The following KASH5 variants were observed in gnomAD, a reference collection of about 807,000 sequenced individuals.
KASH5 encodes protein KASH5.
Under a neutral mutation model 84.2 loss-of-function variants are expected in KASH5, and 72 were observed. That is an observed-to-expected ratio of 0.85 (90% CI 0.71 to 1.04). The LOEUF is 1.04. Ranked by LOEUF, KASH5 falls within the 50% of genes least tolerant of loss-of-function variation. The pLI is 0.00. For missense variants in KASH5, 650 were observed against 701.0 expected (o/e 0.93, Z 0.82); for synonymous variants, 260 against 279.1 (o/e 0.93, Z 0.68).
At chr19:49,407,179 A>G in intron 10 of KASH5, 61 bp from the exon 11 acceptor site, 1 of 1,575,130 alleles carries the variant, frequency 6.3e-7, no homozygotes. Flanking sequence ...GGCCAGGTGG[A>G]GGGCAGGACC....
In KASH5 at chr19:49,395,429, A is replaced by G; in HGVS notation, c.335+137A>G. The G allele has an allele frequency of 1.0e-6, 1 of 956,346 alleles. No homozygotes were observed. Among genetic ancestry groups the G allele is most frequent in the Non-Finnish European group, 1.6e-6 (1 of 636,290 alleles). 59.2% of individuals were successfully genotyped at this position (956,346 alleles called of 1,614,324 possible). On this transcript the variant is annotated intron_variant, in intron 4 of 19. Transcript: ENST00000447857. This position sits in a 1 kb window ranked among gnomAD's most constrained non-coding sequence, Gnocchi z 4.4. ...TGAGGCTGTGGAGAGAAAAATGAAGAGACGGGATTCAGAGGGGGTAGATAG... is the reference window on the plus strand; with the variant it reads ...TGAGGCTGTGGAGAGAAAAATGAAGGGACGGGATTCAGAGGGGGTAGATAG...
intron 1 of KASH5, among the ~76,000 whole-genome samples, 165 bp from the exon 2 acceptor site, chr19:49,390,624 C>T (rs1973970984): frequency 6.6e-6 from 1 of 152,176 alleles, no homozygotes. Context: ...TTCTCCAGCC[C>T]ACACCTCCAA....
At chr19:49,413,056 G>T in intron 16 of KASH5, 30 bp downstream of exon 16, 1 of 1,605,756 alleles carries the variant, frequency 6.2e-7, no homozygotes, top group South Asian at 1.1e-5. Context: ...GTCTGCCTCA[G>T]GGTGACACCT....
Position 49,395,120 on chromosome 19 carries a change from GCC to G in KASH5, c.165_166del (p.Gln56GlyfsTer33). 6 of 1,608,032 alleles carry G rather than the reference GCC, an allele frequency of 3.7e-6. No individual in the cohort carries two copies. Among genetic ancestry groups the G allele is most frequent in the Non-Finnish European group, 5.1e-6 (6 of 1,178,498 alleles). The stretch of plus-strand genomic sequence containing the variant: ...CTCTGTCACAGGCACTGTGGCTGTG[GCC>G]CAGGTGCTGGCCTACCTGGAGGCTG... ...DPQRTGTVAV[A>X]QVLAYLEAVT... On this transcript the variant is annotated frameshift_variant, in exon 4 of 20. Coordinates refer to ENST00000447857, the MANE Select transcript of KASH5 (RefSeq NM_144688.5). LOFTEE classifies it high-confidence loss of function. The surrounding 1 kb of genome is among the most constrained non-coding windows in gnomAD (Gnocchi z 4.4).
At chr19:49,401,741 A>G (rs112749566) in intron 9 of KASH5, among the ~76,000 whole-genome samples, 1,977 of 152,284 alleles carry the variant, frequency 0.013, 39 homozygotes, top group Non-Finnish European at 0.014. Flanking sequence ...CCTAGTCCAG[A>G]CAGATCATGT....
intron 9 of KASH5, 109 bp from the exon 10 acceptor site, chr19:49,406,777 C>CT: frequency 1.1e-6 from 1 of 947,406 alleles, no homozygotes; most frequent in Non-Finnish European, 1.7e-6. Context: ...ATATGAAGTG[C>CT]TTAGCATGAG....
intron 2 of KASH5, among the ~76,000 whole-genome samples, chr19:49,394,024 C>T (rs1035073096): frequency 3.3e-5 from 5 of 152,126 alleles, no homozygotes; most frequent in African/African-American, 7.2e-5. Context: ...GCTGGGAGAC[C>T]GGAGATGCAG....
intron 9 of KASH5, among the ~76,000 whole-genome samples, chr19:49,400,225 C>CAAAA (rs34052696): frequency 9.8e-5 from 8 of 81,248 alleles, no homozygotes; most frequent in East Asian, 3.5e-4. Flanking sequence ...GAGAGCCTCT[C>CAAAA]AAAAAAAAAA....
At chr19:49,391,017 AGGTGGCTGGG>A (rs1973986814) in intron 2 of KASH5, 91 bp downstream of exon 2, 1 of 1,454,984 alleles carries the variant, frequency 6.9e-7, no homozygotes, top group South Asian at 1.2e-5. Context: ...GACTTGGGAG[AGGTGGCTGGG>A]GGTGGCTGAG....
rs1600911766 is a variant in KASH5, at chr19:49,399,052, G to A, written c.657G>A (p.Lys219=). ...CCCAGCAGGCCCTGCAGTTTGCCAA[G>A]GCCATGGATGAGGAGCTGGAGGACC... ...HSTQQALQFA[K]AMDEELEDLK... Residue 219 remains lysine (K), a synonymous_variant, in exon 8 of 20, where the codon AAG becomes AAA. Transcript: ENST00000447857. The surrounding 1 kb of genome is among the most constrained non-coding windows in gnomAD (Gnocchi z 4.4). 3 of 1,551,590 alleles carry A rather than the reference G, an allele frequency of 1.9e-6. No individual in the cohort carries two copies. The highest frequency in any genetic ancestry group is 2.4e-5 in the South Asian group (2 of 84,030).
chr19:49,399,408 G>T lies in KASH5; in HGVS notation c.748-49G>T. ...GGGGTGGGAGAAGGGCAACATGGGG[G>T]CAAGGAGGCTAGAAATGAAACCTTT... is the stretch of plus-strand genomic sequence containing the variant. On this transcript the variant is annotated intron_variant, in intron 8 of 19. Coordinates refer to ENST00000447857, the MANE Select transcript of KASH5 (RefSeq NM_144688.5). This position sits in a 1 kb window ranked among gnomAD's most constrained non-coding sequence, Gnocchi z 4.4. 1 of 1,559,658 alleles carries T rather than the reference G, an allele frequency of 6.4e-7. No individual in the cohort carries two copies. Among genetic ancestry groups the T allele is most frequent in the Non-Finnish European group, 8.8e-7 (1 of 1,142,042 alleles).
chr19:49,410,869 T>G (rs929886848), intron 15 of KASH5, among the ~76,000 whole-genome samples: 1 of 151,166 alleles, frequency 6.6e-6, no homozygotes, highest in Non-Finnish European at 1.5e-5. Context: ...ACTGTCCTCC[T>G]ACCTCAGCCT....
rs563835179 is a variant in KASH5 at position 49,416,340 on chromosome 19, G to A, written c.1375-675G>A. 8.5e-5 allele frequency among the ~76,000 whole-genome samples: 13 copies of A among 152,154 alleles called. No homozygotes were observed. In the East Asian group the frequency reaches 2.3e-3, roughly 27 times the overall value. On this transcript the variant is annotated intron_variant, in intron 17 of 19. Coordinates refer to ENST00000447857, the MANE Select transcript of KASH5 (RefSeq NM_144688.5). The surrounding 1 kb of genome is among the most constrained non-coding windows in gnomAD (Gnocchi z 5.4). Reference sequence around the variant, plus strand: ...CCCAAGTAGCTGGGATTACAGGCACGTGCTACCATGCCCGGCTAATTTTTG... The same window carrying A: ...CCCAAGTAGCTGGGATTACAGGCACATGCTACCATGCCCGGCTAATTTTTG...
At chr19:49,394,823 A>T (rs1974121328) in intron 3 of KASH5, 1 of 586,922 alleles carries the variant, frequency 1.7e-6, no homozygotes, top group East Asian at 2.8e-5. Flanking sequence ...GTCGTGGGAT[A>T]GGGGAGGGAG....
In KASH5 at chr19:49,409,292, A is replaced by G; in HGVS notation, c.1146+9A>G. ...TCGAGGCCATTCGACAGGTGGGCCTAACACCCCTGGAATAAGCTGCAGGCC... is the reference window on the plus strand; with the variant it reads ...TCGAGGCCATTCGACAGGTGGGCCTGACACCCCTGGAATAAGCTGCAGGCC... On this transcript the variant is annotated intron_variant, in intron 14 of 19. Coordinates refer to ENST00000447857, the MANE Select transcript of KASH5 (RefSeq NM_144688.5). 6.2e-7 allele frequency: 1 copy of G among 1,613,028 alleles called. No homozygotes were observed. The highest frequency in any genetic ancestry group is 2.2e-5 in the East Asian group (1 of 44,872).
rs1974136232 is a variant in KASH5 at position 49,395,211 on chromosome 19, G to A, written c.254G>A (p.Gly85Glu). Residue 85 changes from glycine to glutamate, a missense_variant, in exon 4 of 20, where the codon GGG (glycine) becomes GAG (glutamate). Coordinates refer to ENST00000447857, the MANE Select transcript of KASH5 (RefSeq NM_144688.5). The surrounding 1 kb of genome is among the most constrained non-coding windows in gnomAD (Gnocchi z 4.4). ...QTLANSLDPN[G>E]EGPKATVDLD... ...TTGGCCAACAGCCTGGACCCCAATG[G>A]GGAGGGCCCTAAGGCCACTGTGGAC... 1 of 1,612,252 alleles carries A rather than the reference G, an allele frequency of 6.2e-7. No homozygotes were observed. The highest frequency in any genetic ancestry group is 1.7e-5 in the Admixed American group (1 of 59,432).
At chr19:49,404,027 C>T (rs1335214688) in intron 9 of KASH5, among the ~76,000 whole-genome samples, 1 of 152,224 alleles carries the variant, frequency 6.6e-6, no homozygotes, top group Non-Finnish European at 1.5e-5. Context: ...GAGGCAGGAG[C>T]AGCTGAGTAA....
chr19:49,416,459 G>A lies in KASH5; in HGVS notation c.1375-556G>A, dbSNP rs561279217. On this transcript the variant is annotated intron_variant, in intron 17 of 19. Transcript: ENST00000447857. The surrounding 1 kb of genome is among the most constrained non-coding windows in gnomAD (Gnocchi z 5.4). ...GCCCGCTTCAGCCTCCCAAAGTGCCGGGATTACAGGCATGAGCCACTGCAC... is the reference window on the plus strand; with the variant it reads ...GCCCGCTTCAGCCTCCCAAAGTGCCAGGATTACAGGCATGAGCCACTGCAC... Among the ~76,000 whole-genome samples the A allele has an allele frequency of 3.3e-5, 5 of 152,272 alleles. No individual in the cohort carries two copies. The highest frequency in any genetic ancestry group is 2.1e-4 in the South Asian group (1 of 4,832).
At chr19:49,400,804 C>G (rs1385212732) in intron 9 of KASH5, among the ~76,000 whole-genome samples, 1 of 152,190 alleles carries the variant, frequency 6.6e-6, no homozygotes, top group Non-Finnish European at 1.5e-5. Context: ...AGTTCAGCTT[C>G]ACATTTAATT....
Sources: gnomAD v4.1 joint callset for allele counts (sites outside exome capture counted in the v4.1 genomes callset) on GRCh38, gnomAD v4.1.1 for gene constraint, Gnocchi (gnomAD v3.1) non-coding constraint, MANE v1.5 for transcripts, NCBI Gene and HGNC (gene_info 2026-07-23, HGNC 2026-07-21) for gene names.